Variants in DIAPH2 observed in about 807,000 individuals in gnomAD.
The protein encoded by DIAPH2 is diaphanous related formin 2, also known as protein diaphanous homolog 2.
In DIAPH2, 35 loss-of-function variants were observed where a neutral mutation model predicts 92.7. That is an observed-to-expected ratio of 0.38 (90% CI 0.29 to 0.50). The LOEUF (loss-of-function observed/expected upper bound fraction) is 0.50. Among genes scored for constraint, DIAPH2 ranks in the 20% least tolerant of loss-of-function variants. The pLI, the probability that DIAPH2 is intolerant of heterozygous loss-of-function variation, is 0.94. For synonymous variants in DIAPH2, 301 were observed against 280.4 expected, an observed-to-expected ratio of 1.07 and a Z score of -0.73; for missense variants, 701 against 819.5, an observed-to-expected ratio of 0.86 and a Z score of 1.77.
chrX:96,719,312 G>A (rs1447931890), intron 1 of DIAPH2, among the ~76,000 whole-genome samples: 2 of 111,722 alleles, frequency 1.8e-5, no homozygotes, highest in African/African-American at 3.3e-5. Flanking sequence ...GTCCATTTTT[G>A]GTTTGGTTGC....
At chrX:97,198,617 A>G (rs779839103) in intron 22 of DIAPH2, among the ~76,000 whole-genome samples, 5 of 111,762 alleles carry the variant, frequency 4.5e-5, no homozygotes, top group Non-Finnish European at 9.4e-5. Flanking sequence ...TAAGTATATT[A>G]TTTCTTCTGA....
At chrX:97,249,299 G>A (rs749672811) in intron 23 of DIAPH2, among the ~76,000 whole-genome samples, 1 of 111,313 alleles carries the variant, frequency 9.0e-6, no homozygotes, top group South Asian at 3.8e-4. Flanking sequence ...AACTTGGCCT[G>A]GACTCCTTAT....
intron 5 of DIAPH2, among the ~76,000 whole-genome samples, chrX:96,892,622 T>G (rs1156721804): frequency 8.9e-6 from 1 of 111,821 alleles, no homozygotes; most frequent in African/African-American, 3.2e-5. Flanking sequence ...GCAATGATAT[T>G]ACCTCTTAAT....
At chrX:96,947,737 A>G (rs1263996720) in intron 14 of DIAPH2, among the ~76,000 whole-genome samples, 1 of 112,166 alleles carries the variant, frequency 8.9e-6, no homozygotes, top group Non-Finnish European at 1.9e-5. Context: ...AACTCTTAAG[A>G]TGGTTTTGGG....
At position 96,731,697 on chromosome X, in the gene DIAPH2, A is replaced by G. The variant is rs776743651; in HGVS notation, c.133-4061A>G. On this transcript the variant is annotated intron_variant, in intron 1 of 26. Transcript: ENST00000324765. ...TATAAGTAAGTCAGTCATTTCTCTTAGTCTTAAGGGGTTGAGACTCTGGAG... is the reference window on the plus strand; with the variant it reads ...TATAAGTAAGTCAGTCATTTCTCTTGGTCTTAAGGGGTTGAGACTCTGGAG... 5.4e-5 allele frequency among the ~76,000 whole-genome samples: 6 copies of G among 111,697 alleles called. No homozygotes were observed. The South Asian group carries it at 2.3e-3, about 42-fold the overall frequency.
chrX:96,955,328 A>T (rs911667016), intron 15 of DIAPH2, among the ~76,000 whole-genome samples: 1 of 111,882 alleles, frequency 8.9e-6, no homozygotes, highest in Non-Finnish European at 1.9e-5. Flanking sequence ...TCATTATTCA[A>T]TTATCTCCCC....
chrX:97,293,243 C>CTTTTT (rs1184478622), intron 23 of DIAPH2, among the ~76,000 whole-genome samples: 24 of 63,201 alleles, frequency 3.8e-4, no homozygotes, highest in African/African-American at 6.4e-4. Flanking sequence ...ATATTTCTTT[C>CTTTTT]TTTTTTTTTT....
intron 26 of DIAPH2, among the ~76,000 whole-genome samples, chrX:97,569,443 A>G (rs756046408): frequency 8.6e-4 from 96 of 112,053 alleles, no homozygotes; most frequent in South Asian, 1.5e-3. Flanking sequence ...ATGCATAGCC[A>G]TAGCTATCCA....
chrX:97,502,078 C>T (rs1285403510), intron 26 of DIAPH2, among the ~76,000 whole-genome samples: 3 of 112,420 alleles, frequency 2.7e-5, no homozygotes, highest in Non-Finnish European at 3.8e-5. Context: ...GCTGGGATTA[C>T]AAGCGTGAGC....
At chrX:97,191,494 G>T (rs1023535563) in intron 22 of DIAPH2, among the ~76,000 whole-genome samples, 5 of 111,241 alleles carry the variant, frequency 4.5e-5, no homozygotes, top group Non-Finnish European at 9.4e-5. Flanking sequence ...TATCTTCCCT[G>T]GGAAGCAGGC....
chrX:96,900,637 C>T (rs764792972), intron 5 of DIAPH2, among the ~76,000 whole-genome samples: 155 of 110,932 alleles, frequency 1.4e-3, no homozygotes, highest in Admixed American at 3.8e-3. Flanking sequence ...TTCTGTGCCT[C>T]GGTTCTTGAG....
At chrX:96,717,832 A>G (rs1382107478) in intron 1 of DIAPH2, among the ~76,000 whole-genome samples, 2 of 82,164 alleles carry the variant, frequency 2.4e-5, no homozygotes, top group Non-Finnish European at 4.7e-5. Flanking sequence ...ATATATATAT[A>G]TATATATATA....
At chrX:97,235,568 C>T (rs1301949376) in intron 22 of DIAPH2, among the ~76,000 whole-genome samples, 2 of 98,847 alleles carry the variant, frequency 2.0e-5, no homozygotes, top group Non-Finnish European at 4.0e-5. Flanking sequence ...CGCACCAATG[C>T]ACTCCAGCCT....
chrX:97,144,576 A>G (rs976433660), intron 22 of DIAPH2, among the ~76,000 whole-genome samples: 1 of 104,660 alleles, frequency 9.6e-6, no homozygotes, highest in Admixed American at 1.1e-4. Context: ...ATGTATCAAT[A>G]AAAAACTTAA....
chrX:97,172,094 G>GT (rs957491572), intron 22 of DIAPH2, among the ~76,000 whole-genome samples: 16 of 111,885 alleles, frequency 1.4e-4, no homozygotes, highest in African/African-American at 5.2e-4. Context: ...GCATGTCTGT[G>GT]TTGTAGTTGA....
In DIAPH2 at chrX:96,965,339, A is replaced by G. The variant is rs944067802; in HGVS notation, c.2050+132A>G. 1.9e-5 allele frequency: 6 copies of G among 310,954 alleles called. 1 individual carries two copies. Among genetic ancestry groups the G allele is most frequent in the African/African-American group, 1.7e-4 (6 of 35,975 alleles). The allele number at this position is 310,954 out of a possible 1,213,427, so 25.6% of individuals were successfully genotyped here. On this transcript the variant is annotated intron_variant, in intron 17 of 26. Transcript: ENST00000324765. The stretch of plus-strand genomic sequence containing the variant: ...GACAGGGTGAAACATAAATAGATTG[A>G]CATTTAACTATATTTTACCTAGTAA...
intron 26 of DIAPH2, among the ~76,000 whole-genome samples, chrX:97,432,967 T>C (rs1031339615): frequency 1.3e-4 from 15 of 111,490 alleles, no homozygotes; most frequent in African/African-American, 4.2e-4. Flanking sequence ...CAAGATGAGG[T>C]GATAGTCTGT....
chrX:97,357,471 C>G (rs1018073897), intron 24 of DIAPH2, among the ~76,000 whole-genome samples: 46 of 106,321 alleles, frequency 4.3e-4, no homozygotes, highest in African/African-American at 1.5e-3. Flanking sequence ...TCTTCTCCCC[C>G]CTCCTTCCAG....
At position 97,484,076 on chromosome X, in the gene DIAPH2, T is replaced by C. The variant is rs181289913; in HGVS notation, c.3241+54331T>C. 1.9e-4 allele frequency among the ~76,000 whole-genome samples: 21 copies of C among 111,489 alleles called. No individual in the cohort carries two copies. In the East Asian group the frequency reaches 3.1e-3, roughly 16 times the overall value. ...CGTTGTACCCCATAAATATATATAG[T>C]TATTATATATCAATCATAAATTGTT... On this transcript the variant is annotated intron_variant, in intron 26 of 26. Coordinates refer to ENST00000324765, the MANE Select transcript of DIAPH2 (RefSeq NM_006729.5).
Sources: gnomAD v4.1 joint callset for allele counts (sites outside exome capture counted in the v4.1 genomes callset) on GRCh38, gnomAD v4.1.1 for gene constraint, MANE v1.5 for transcripts, NCBI Gene and HGNC (gene_info 2026-07-23, HGNC 2026-07-21) for gene names.